The following DYNC2H1 variants were observed in gnomAD, a reference collection of about 807,000 sequenced individuals.
The protein encoded by DYNC2H1 is cytoplasmic dynein 2 heavy chain 1.
Under a neutral mutation model 570.0 loss-of-function variants are expected in DYNC2H1, and 410 were observed. The observed-to-expected ratio is 0.72, with a 90% CI of 0.66 to 0.78. DYNC2H1 has a LOEUF of 0.78. Ranked by LOEUF, DYNC2H1 falls within the 30% of genes least tolerant of loss-of-function variation. DYNC2H1 has a pLI of 0.00. For missense variants in DYNC2H1, 4,865 were observed against 5,046.4 expected (o/e 0.96, Z 1.09); for synonymous variants, 1,688 against 1,677.6 (o/e 1.01, Z -0.15).
In DYNC2H1 at chr11:103,199,947, CAT is replaced by C. The variant is rs10610499; in HGVS notation, c.8089-98_8089-97del. 3.1e-3 allele frequency: 2,251 copies of C among 732,992 alleles called. 36 individuals are homozygous for C. The African/African-American group carries it at 0.037, about 12-fold the overall frequency. 45.4% of individuals were successfully genotyped at this position (732,992 alleles called of 1,614,324 possible). ...ATGGAAATAAATGAATAAATAAACA[CAT>C]GATACTGGCATACTTTACATACAAA... On this transcript the variant is annotated intron_variant, in intron 49 of 88. Coordinates refer to ENST00000375735, the MANE Select transcript of DYNC2H1 (RefSeq NM_001377.3). This position sits in a 1 kb window ranked among gnomAD's most constrained non-coding sequence, Gnocchi z 4.6.
chr11:103,346,955 C>G (rs1200471682), intron 82 of DYNC2H1, among the ~76,000 whole-genome samples: 1 of 152,162 alleles, frequency 6.6e-6, no homozygotes, highest in Non-Finnish European at 1.5e-5. Flanking sequence ...GCTGTCACCA[C>G]CTGTACCCTG....
chr11:103,400,910 T>C (rs1385894719), intron 84 of DYNC2H1, among the ~76,000 whole-genome samples: 5 of 152,200 alleles, frequency 3.3e-5, no homozygotes, highest in Admixed American at 3.3e-4. Context: ...TGTACATACA[T>C]TGCCGTCTCT....
intron 75 of DYNC2H1, 63 bp downstream of exon 75, chr11:103,287,668 T>G: frequency 1.5e-6 from 2 of 1,350,136 alleles, no homozygotes; most frequent in Non-Finnish European, 2.1e-6. Context: ...TAATTTACCT[T>G]TCATTTTATG....
intron 82 of DYNC2H1, among the ~76,000 whole-genome samples, chr11:103,346,776 C>A (rs61063313): frequency 0.22 from 32,992 of 152,098 alleles, 3,719 homozygotes; most frequent in Admixed American, 0.31. Flanking sequence ...AAAGTTGATA[C>A]AACTCTTCCT....
intron 84 of DYNC2H1, among the ~76,000 whole-genome samples, chr11:103,411,576 A>ATGAT (rs1353832740): frequency 1.3e-5 from 2 of 152,116 alleles, no homozygotes; most frequent in Non-Finnish European, 2.9e-5. Context: ...ATCATTTTCT[A>ATGAT]TGATTATAAT....
At chr11:103,418,003 AAAC>A (rs1394258997) in intron 84 of DYNC2H1, among the ~76,000 whole-genome samples, 3 of 151,964 alleles carry the variant, frequency 2.0e-5, no homozygotes, top group Non-Finnish European at 4.4e-5. Flanking sequence ...AAAAAAAAAA[AAAC>A]TTTAGCAAAC....
At position 103,417,903 on chromosome 11, in the gene DYNC2H1, A is replaced by G. The variant is rs554574266; in HGVS notation, c.12366+18031A>G. 2.0e-5 allele frequency among the ~76,000 whole-genome samples: 3 copies of G among 151,654 alleles called. No individual in the cohort carries two copies. The South Asian group carries it at 6.2e-4, about 32-fold the overall frequency. On this transcript the variant is annotated intron_variant, in intron 84 of 88. Coordinates refer to ENST00000375735, the MANE Select transcript of DYNC2H1 (RefSeq NM_001377.3). ...AAAAAAAAAAAAATTGATCAATGTT[A>G]TTTACCATAATAGACTCATAAAGAA...
In DYNC2H1 at chr11:103,326,769, TG is replaced by T. The variant is rs1938510632; in HGVS notation, c.12039+2784del. 6.6e-6 allele frequency among the ~76,000 whole-genome samples: 1 copy of T among 152,118 alleles called. No individual in the cohort carries two copies. The highest frequency in any genetic ancestry group is 1.5e-5 in the Non-Finnish European group (1 of 68,000). ...GCAGAACAGATGTGCCCCAATCCTG[TG>T]GGGGAAGCCAGCCTGCTGTCTCTTG... On this transcript the variant is annotated intron_variant, in intron 82 of 88. Transcript: ENST00000375735. This position sits in a 1 kb window ranked among gnomAD's most constrained non-coding sequence, Gnocchi z 6.1.
At chr11:103,375,383 AGTG>A (rs1434417437) in intron 83 of DYNC2H1, among the ~76,000 whole-genome samples, 1 of 152,194 alleles carries the variant, frequency 6.6e-6, no homozygotes, top group Non-Finnish European at 1.5e-5. Flanking sequence ...GGCACTGCCT[AGTG>A]GAGCTGTGAA....
intron 18 of DYNC2H1, among the ~76,000 whole-genome samples, chr11:103,143,963 A>G (rs1565338832): frequency 6.6e-6 from 1 of 152,328 alleles, no homozygotes; most frequent in South Asian, 2.1e-4. Context: ...TGTCACCTCT[A>G]AAGGATAATA....
At chr11:103,270,579 T>C (rs1865668677) in intron 70 of DYNC2H1, among the ~76,000 whole-genome samples, 1 of 141,664 alleles carries the variant, frequency 7.1e-6, no homozygotes, top group Non-Finnish European at 1.6e-5. Context: ...ATGTGGTACC[T>C]CTCTCTCTCT....
chr11:103,465,649 C>G lies in DYNC2H1; in HGVS notation c.12649-2940C>G, dbSNP rs1945174045. Among the ~76,000 whole-genome samples, 4 of 152,144 alleles carry G rather than the reference C, an allele frequency of 2.6e-5. No individual in the cohort carries two copies. The highest frequency in any genetic ancestry group is 5.9e-5 in the Non-Finnish European group (4 of 68,016). On this transcript the variant is annotated intron_variant, in intron 87 of 88. Coordinates refer to ENST00000375735, the MANE Select transcript of DYNC2H1 (RefSeq NM_001377.3). This position sits in a 1 kb window ranked among gnomAD's most constrained non-coding sequence, Gnocchi z 4.9. Reference sequence around the variant, plus strand: ...GATCAGTTAGAAGGGAAGGTCCATGCTGGCCTCATTCATATATATGGCAAC... The same window carrying G: ...GATCAGTTAGAAGGGAAGGTCCATGGTGGCCTCATTCATATATATGGCAAC...
chr11:103,156,757 G>A lies in DYNC2H1; in HGVS notation c.4114G>A (p.Asp1372Asn). The A allele has an allele frequency of 6.2e-7, 1 of 1,608,628 alleles. No homozygotes were observed. The highest frequency in any genetic ancestry group is 8.5e-7 in the Non-Finnish European group (1 of 1,178,764). ...AGAACAGACACGCTTCAACAGAGTT[G>A]ATGAAGATTTTAGGTCAGTACAATG... ...PKEQTRFNRV[D>N]EDFRSIMTDI... Residue 1372 changes from aspartate to asparagine, a missense_variant, in exon 26 of 89, where the codon GAT (aspartate) becomes AAT (asparagine). Physicochemically the swap from Asp to Asn is conservative, Grantham distance 23. Transcript: ENST00000375735.
At chr11:103,142,219 C>G (rs973416051) in intron 17 of DYNC2H1, among the ~76,000 whole-genome samples, 1 of 152,252 alleles carries the variant, frequency 6.6e-6, no homozygotes, top group East Asian at 1.9e-4. Flanking sequence ...CACCCACTGT[C>G]CTGTGCCCAC....
intron 49 of DYNC2H1, 26 bp from the exon 50 acceptor site, chr11:103,200,020 C>A: frequency 6.6e-7 from 1 of 1,505,632 alleles, no homozygotes; most frequent in Admixed American, 1.9e-5. Context: ...TTAAAGGGCA[C>A]TAAAAAATAT....
In DYNC2H1 at chr11:103,173,335, AT is replaced by A. The variant is rs1472104791; in HGVS notation, c.5558+34del. ...GTTTTCTTGTTCTAAATATTTTTAT[AT>A]TTTACATTTCTAATGATTGATTTTG... On this transcript the variant is annotated intron_variant, in intron 35 of 88. Coordinates refer to ENST00000375735, the MANE Select transcript of DYNC2H1 (RefSeq NM_001377.3). 13 of 1,408,884 alleles carry A rather than the reference AT, an allele frequency of 9.2e-6. No homozygotes were observed. The East Asian group carries it at 3.6e-4, about 39-fold the overall frequency. 87.3% of individuals were successfully genotyped at this position (1,408,884 alleles called of 1,614,324 possible). A position where few individuals can be genotyped will look rare whatever the true frequency, so the allele number is the denominator to read the frequency against.
chr11:103,293,290 A>G (rs1456097511), intron 75 of DYNC2H1, among the ~76,000 whole-genome samples: 1 of 152,132 alleles, frequency 6.6e-6, no homozygotes, highest in Non-Finnish European at 1.5e-5. Flanking sequence ...GTGCTGCCAG[A>G]CATACGGAGC....
At chr11:103,137,244 G>A (rs995695069) in intron 17 of DYNC2H1, among the ~76,000 whole-genome samples, 6 of 148,004 alleles carry the variant, frequency 4.1e-5, no homozygotes, top group African/African-American at 7.4e-5. Flanking sequence ...GATCCCATTT[G>A]TCAATTTTGG....
chr11:103,455,113 T>A, intron 85 of DYNC2H1, 73 bp from the exon 86 acceptor site: 1 of 1,074,098 alleles, frequency 9.3e-7, no homozygotes, highest in Non-Finnish European at 1.4e-6. Flanking sequence ...ACTTTCTTAT[T>A]GAAAATGACT....
Sources: gnomAD v4.1 joint callset for allele counts (sites outside exome capture counted in the v4.1 genomes callset) on GRCh38, gnomAD v4.1.1 for gene constraint, Gnocchi (gnomAD v3.1) non-coding constraint, MANE v1.5 for transcripts, NCBI Gene and HGNC (gene_info 2026-07-23, HGNC 2026-07-21) for gene names.